Variants in POLB observed in about 807,000 individuals in gnomAD.
POLB encodes 5'-dRP lyase.
Under a neutral mutation model 52.7 loss-of-function variants are expected in POLB, and 37 were observed. The ratio of observed to expected loss-of-function variants is 0.70; its 90% CI spans 0.54 to 0.92. POLB has a LOEUF of 0.92. POLB is among the 40% of genes least tolerant of loss of function. POLB has a pLI of 0.00. For synonymous variants in POLB, 138 were observed against 131.3 expected (o/e 1.05, Z -0.35); for missense variants, 313 against 400.8 (o/e 0.78, Z 1.87).
chr8:42,352,458 A>G, intron 5 of POLB, 61 bp from the exon 6 acceptor site: 1 of 1,026,340 alleles, frequency 9.7e-7, no homozygotes, highest in Non-Finnish European at 1.6e-6. Flanking sequence ...CTATTAAGAC[A>G]TGGTTGTTAC....
intron 10 of POLB, among the ~76,000 whole-genome samples, chr8:42,362,368 CAAA>C (rs772283272): frequency 7.6e-6 from 1 of 132,232 alleles, no homozygotes; most frequent in African/African-American, 2.8e-5. Context: ...GATTCCCTGC[CAAA>C]AAAAAAAAAA....
At chr8:42,362,954 G>A (rs1156270849) in intron 11 of POLB, among the ~76,000 whole-genome samples, 3 of 151,628 alleles carry the variant, frequency 2.0e-5, no homozygotes, top group African/African-American at 4.8e-5. Flanking sequence ...GAGAAACCCC[G>A]TCTCTGCTAA....
At chr8:42,366,038 T>C (rs1445968529) in intron 11 of POLB, among the ~76,000 whole-genome samples, 1 of 151,804 alleles carries the variant, frequency 6.6e-6, no homozygotes, top group Non-Finnish European at 1.5e-5. Flanking sequence ...AGGCAGTGGT[T>C]GCAGTGAGCT....
intron 11 of POLB, 149 bp from the exon 12 acceptor site, chr8:42,369,122 G>A (rs1824218002): frequency 1.8e-6 from 1 of 563,888 alleles, no homozygotes; most frequent in Non-Finnish European, 3.1e-6. Flanking sequence ...TAGGGATAGT[G>A]TATTGCTCAC....
intron 11 of POLB, among the ~76,000 whole-genome samples, chr8:42,365,534 T>C (rs1401775962): frequency 6.6e-6 from 1 of 152,204 alleles, no homozygotes; most frequent in Non-Finnish European, 1.5e-5. Flanking sequence ...AAGTTGGATG[T>C]TGTGCACAGT....
intron 4 of POLB, 146 bp from the exon 5 acceptor site, chr8:42,349,861 G>GT (rs757152300): frequency 2.2e-4 from 140 of 639,348 alleles, no homozygotes; most frequent in Middle Eastern, 1.2e-3. Flanking sequence ...TACTCCTTAG[G>GT]TTACTTGTGA....
At chr8:42,362,749 C>T in intron 11 of POLB, 51 bp downstream of exon 11, 1 of 927,412 alleles carries the variant, frequency 1.1e-6, no homozygotes, top group South Asian at 1.4e-5. Context: ...GGAGACTGTT[C>T]AGTAGCCATT....
intron 3 of POLB, among the ~76,000 whole-genome samples, chr8:42,348,365 G>T (rs150764848): frequency 6.6e-6 from 1 of 152,180 alleles, no homozygotes; most frequent in Non-Finnish European, 1.5e-5. Flanking sequence ...TTCTTGAAAC[G>T]TGGATGTTGT....
Position 42,362,628 on chromosome 8 carries a change from A to AG in POLB, c.640dup (p.Val214GlyfsTer19). On this transcript the variant is annotated frameshift_variant, in exon 11 of 14. Coordinates refer to ENST00000265421, the MANE Select transcript of POLB (RefSeq NM_002690.3). LOFTEE classifies it high-confidence loss of function. ...ATTCTACAGCCAAAACTGTTACATC[A>AG]GGTTGTGGAGCAGTTACAAAAGGTT... 6.2e-7 allele frequency: 1 copy of AG among 1,606,688 alleles called. No individual in the cohort carries two copies. The highest frequency in any genetic ancestry group is 8.5e-7 in the Non-Finnish European group (1 of 1,173,452).
Position 42,350,093 on chromosome 8 carries a change from A to AT in POLB, c.320+29dup, listed in dbSNP as rs771233353. ...AAGAACTATTTTTTAAGCAGACACA[A>AT]TCGTCAGTTAGTTTATTTTTCCTGT... On this transcript the variant is annotated intron_variant, in intron 5 of 13. Transcript: ENST00000265421. 6.8e-5 allele frequency: 99 copies of AT among 1,445,884 alleles called. No individual in the cohort carries two copies. The Admixed American group carries it at 1.6e-3, about 24-fold the overall frequency. The allele number at this position is 1,445,884 out of a possible 1,614,324, so 89.6% of individuals were successfully genotyped here.
chr8:42,343,315 G>A (rs1287434074), intron 2 of POLB, among the ~76,000 whole-genome samples: 4 of 47,824 alleles, frequency 8.4e-5, no homozygotes, highest in East Asian at 7.6e-4. Flanking sequence ...GAGCAAGACT[G>A]CGTCTCAAAA....
intron 3 of POLB, among the ~76,000 whole-genome samples, chr8:42,345,921 T>C (rs1451440791): frequency 6.6e-6 from 1 of 152,222 alleles, no homozygotes; most frequent in Non-Finnish European, 1.5e-5. Context: ...TTATCATGGC[T>C]TTTTTGTTTG....
intron 12 of POLB, 138 bp from the exon 13 acceptor site, chr8:42,369,711 A>G: frequency 8.6e-6 from 5 of 584,166 alleles, no homozygotes; most frequent in Non-Finnish European, 1.5e-5. Context: ...AGTCTACCTC[A>G]TGATAGTCTT....
At chr8:42,355,110 C>G (rs1034465082) in intron 6 of POLB, among the ~76,000 whole-genome samples, 2 of 151,640 alleles carry the variant, frequency 1.3e-5, no homozygotes, top group African/African-American at 4.8e-5. Flanking sequence ...GCAATCTCGG[C>G]TCACTGCAGC....
chr8:42,361,232 G>A, intron 9 of POLB, 63 bp from the exon 10 acceptor site: 1 of 1,147,530 alleles, frequency 8.7e-7, no homozygotes, highest in Non-Finnish European at 1.3e-6. Context: ...CATCAGCTTG[G>A]TTCCATTTGC....
chr8:42,370,108 T>A, intron 13 of POLB, 120 bp downstream of exon 13: 2 of 796,916 alleles, frequency 2.5e-6, no homozygotes, highest in Middle Eastern at 4.4e-4. Flanking sequence ...TTCTTTGTAT[T>A]TTTAGTCCTT....
chr8:42,359,669 T>C (rs1406069301), intron 9 of POLB, among the ~76,000 whole-genome samples: 1 of 151,696 alleles, frequency 6.6e-6, no homozygotes, highest in African/African-American at 2.4e-5. Context: ...CGGCCCCTTA[T>C]TCTTTTTTGT....
At chr8:42,344,811 CAA>C in intron 2 of POLB, 140 bp from the exon 3 acceptor site, 1 of 575,712 alleles carries the variant, frequency 1.7e-6, no homozygotes, top group Non-Finnish European at 3.1e-6. Flanking sequence ...GAGACTGTCT[CAA>C]AAAAAACAAA....
chr8:42,343,208 G>C (rs1197499878), intron 2 of POLB, among the ~76,000 whole-genome samples: 1 of 148,970 alleles, frequency 6.7e-6, no homozygotes, highest in Non-Finnish European at 1.5e-5. Flanking sequence ...TGTAGTCCCA[G>C]CTACTCAGGA....
Sources: allele counts gnomAD v4.1 joint callset (sites outside exome capture counted in the v4.1 genomes callset), GRCh38; gene constraint gnomAD v4.1.1; transcripts MANE v1.5; gene names NCBI Gene and HGNC (gene_info 2026-07-23, HGNC 2026-07-21).